The following MAPRE2 variants were observed in gnomAD, a reference collection of about 807,000 sequenced individuals.
MAPRE2 encodes microtubule-associated protein RP/EB family member 2.
MAPRE2 carries 13 observed loss-of-function variants against 43.2 expected under a neutral mutation model. The observed-to-expected ratio is 0.30, with a 90% CI of 0.20 to 0.48. MAPRE2 has a LOEUF of 0.48. Among genes scored for constraint, MAPRE2 ranks in the 20% least tolerant of loss-of-function variants. The pLI is 0.99. For missense variants in MAPRE2, 161 were observed against 400.2 expected (o/e 0.40, Z 5.10); for synonymous variants, 135 against 148.8 (o/e 0.91, Z 0.68).
At chr18:35,094,270 C>T (rs139333634) in intron 2 of MAPRE2, among the ~76,000 whole-genome samples, 333 of 152,058 alleles carry the variant, frequency 2.2e-3, no homozygotes, top group African/African-American at 7.7e-3. Flanking sequence ...TAATAAGTTA[C>T]CTGTTTTTGA....
chr18:35,060,048 C>T (rs1906440458), intron 1 of MAPRE2, among the ~76,000 whole-genome samples: 2 of 152,158 alleles, frequency 1.3e-5, no homozygotes, highest in African/African-American at 2.4e-5. Flanking sequence ...ATATTGCATG[C>T]GCCTGATTTT....
At chr18:34,998,178 G>A (rs1027861702) in intron 1 of MAPRE2, among the ~76,000 whole-genome samples, 17 of 152,108 alleles carry the variant, frequency 1.1e-4, no homozygotes, top group Admixed American at 6.5e-5. Context: ...CCACAGCAGG[G>A]AGCCCAAGAG....
rs573304671 is a variant in MAPRE2 at position 35,075,917 on chromosome 18, C to T, written c.250+5595C>T. Among the ~76,000 whole-genome samples, 4 of 148,882 alleles carry T rather than the reference C, an allele frequency of 2.7e-5. No individual in the cohort carries two copies. In the East Asian group the frequency reaches 6.0e-4, roughly 22 times the overall value. On this transcript the variant is annotated intron_variant, in intron 2 of 6. Transcript: ENST00000300249. ...AGATAATACAGTAGGTTTTTTTTCC[C>T]TCCAAATTTGTTCATTTACATCTTG...
intron 1 of MAPRE2, among the ~76,000 whole-genome samples, chr18:35,058,040 G>A (rs1328261196): frequency 6.6e-6 from 1 of 152,180 alleles, no homozygotes; most frequent in Non-Finnish European, 1.5e-5. Context: ...GTTTGATGTA[G>A]AGGCAGATCA....
chr18:35,035,363 G>A (rs2097050016), intron 2 of MAPRE2, among the ~76,000 whole-genome samples: 2 of 151,720 alleles, frequency 1.3e-5, no homozygotes, highest in South Asian at 4.2e-4. Context: ...GGACGGTTGT[G>A]GGGTGGGGGG....
At chr18:35,032,830 A>G (rs1244240485) in intron 2 of MAPRE2, among the ~76,000 whole-genome samples, 1 of 152,092 alleles carries the variant, frequency 6.6e-6, no homozygotes, top group Non-Finnish European at 1.5e-5. Flanking sequence ...TGGTGGATCT[A>G]GACCTCAAGA....
At chr18:35,032,602 A>C (rs1183361905) in intron 2 of MAPRE2, among the ~76,000 whole-genome samples, 1 of 152,170 alleles carries the variant, frequency 6.6e-6, no homozygotes, top group African/African-American at 2.4e-5. Context: ...TAGGGACTCG[A>C]AATTAAAATT....
intron 4 of MAPRE2, among the ~76,000 whole-genome samples, chr18:35,125,370 CTG>C (rs1440633406): frequency 6.6e-6 from 1 of 152,234 alleles, no homozygotes; most frequent in Non-Finnish European, 1.5e-5. Context: ...TGGAAATAAA[CTG>C]TAAAATTGGA....
chr18:35,133,083 G>A (rs1356173401), intron 6 of MAPRE2, among the ~76,000 whole-genome samples: 1 of 152,168 alleles, frequency 6.6e-6, no homozygotes, highest in Non-Finnish European at 1.5e-5. Context: ...GGCCTCCAGT[G>A]GAGTTGTATG....
At chr18:35,135,856 C>A (rs1241422065) in intron 6 of MAPRE2, among the ~76,000 whole-genome samples, 1 of 152,220 alleles carries the variant, frequency 6.6e-6, no homozygotes, top group East Asian at 1.9e-4. Context: ...GGCACAGATG[C>A]CTGGTGGTCT....
intron 2 of MAPRE2, among the ~76,000 whole-genome samples, chr18:35,011,539 A>C (rs1264173141): frequency 6.6e-6 from 1 of 152,160 alleles, no homozygotes; most frequent in Non-Finnish European, 1.5e-5. Context: ...AAAGATGTTG[A>C]AGTCCTTTAA....
rs180915929 is a variant in MAPRE2, at chr18:35,082,993, T to A, written c.250+12671T>A. 7.9e-5 allele frequency among the ~76,000 whole-genome samples: 12 copies of A among 152,324 alleles called. No homozygotes were observed. The East Asian group carries it at 2.3e-3, about 29-fold the overall frequency. ...GTTCTTATTAAGACTAAGGTCATAT[T>A]CCTCAATAAGTATTTGCTGGTTTGT... is the stretch of plus-strand genomic sequence containing the variant. On this transcript the variant is annotated intron_variant, in intron 2 of 6. Coordinates refer to ENST00000300249, the MANE Select transcript of MAPRE2 (RefSeq NM_014268.4).
upstream of MAPRE2, among the ~76,000 whole-genome samples, chr18:35,039,313 A>G (rs1053155256): frequency 1.6e-4 from 24 of 152,256 alleles, no homozygotes; most frequent in African/African-American, 5.5e-4. Flanking sequence ...CAGAAACAGT[A>G]AGAGGAAGCA....
At chr18:35,033,342 G>T (rs1358217925) in intron 2 of MAPRE2, among the ~76,000 whole-genome samples, 1 of 151,782 alleles carries the variant, frequency 6.6e-6, no homozygotes, top group African/African-American at 2.4e-5. Context: ...CAATAAATTA[G>T]GTATTGATGG....
chr18:35,037,894 A>G (rs2097051517), upstream of MAPRE2, among the ~76,000 whole-genome samples: 1 of 152,168 alleles, frequency 6.6e-6, no homozygotes, highest in Non-Finnish European at 1.5e-5. Context: ...TGGGGCTTAT[A>G]GGAGCACAAC....
At chr18:35,004,714 G>A (rs765715055) in intron 1 of MAPRE2, among the ~76,000 whole-genome samples, 77 of 152,132 alleles carry the variant, frequency 5.1e-4, no homozygotes, top group Admixed American at 3.9e-4. Flanking sequence ...TCAGGAGATC[G>A]AGACCACCCT....
intron 2 of MAPRE2, among the ~76,000 whole-genome samples, chr18:35,073,450 ATTTTC>A (rs2144110435): frequency 6.6e-6 from 1 of 152,170 alleles, no homozygotes; most frequent in African/African-American, 2.4e-5. Flanking sequence ...CTTATGTAAT[ATTTTC>A]TTCAATGTTT....
chr18:35,136,592 A>G (rs913872907), intron 6 of MAPRE2, among the ~76,000 whole-genome samples: 1 of 152,234 alleles, frequency 6.6e-6, no homozygotes, highest in East Asian at 1.9e-4. Flanking sequence ...GGGAACATCA[A>G]CAGCTCTAGA....
chr18:35,041,203 T>C (rs1905335434), upstream of MAPRE2, among the ~76,000 whole-genome samples: 1 of 152,198 alleles, frequency 6.6e-6, no homozygotes, highest in Admixed American at 6.5e-5. Context: ...GGCCTGGGGT[T>C]TTACATGCCA....
Sources: allele counts gnomAD v4.1 joint callset (sites outside exome capture counted in the v4.1 genomes callset), GRCh38; gene constraint gnomAD v4.1.1; transcripts MANE v1.5; gene names NCBI Gene and HGNC (gene_info 2026-07-23, HGNC 2026-07-21).